AKAP8L: variants seen among roughly 807,000 people sequenced by gnomAD.
AKAP8L encodes the protein A-kinase anchor protein 8-like.
A neutral mutation model predicts 77.5 loss-of-function variants in AKAP8L; 34 were observed. The observed-to-expected ratio is 0.44, with a 90% CI of 0.33 to 0.58. The LOEUF (loss-of-function observed/expected upper bound fraction) is 0.58. AKAP8L is among the 20% of genes least tolerant of loss of function. AKAP8L has a pLI of 0.02. For synonymous variants in AKAP8L, 342 were observed against 340.7 expected, an observed-to-expected ratio of 1.00 and a Z score of -0.04; for missense variants, 806 against 887.6, an observed-to-expected ratio of 0.91 and a Z score of 1.17.
At position 15,418,981 on chromosome 19, in the gene AKAP8L, G is replaced by C. The variant is rs931767797; in HGVS notation, c.-58C>G. ...GCTTCTGCTGCTCTGAACATCCGAC[G>C]CTGCGATAGCTGCTGCTAACCACAG... On this transcript the variant is annotated 5_prime_UTR_variant, in exon 1 of 14. Transcript: ENST00000397410. 3.1e-6 allele frequency: 5 copies of C among 1,600,608 alleles called. No individual in the cohort carries two copies. In the Admixed American group the frequency reaches 5.0e-5, roughly 16 times the overall value.
At chr19:15,383,840 T>G (rs1266472934) in intron 12 of AKAP8L, 1 of 152,156 alleles carries the variant, frequency 6.6e-6, no homozygotes, top group Non-Finnish European at 1.5e-5. Context: ...CTATATTAAT[T>G]TGGAGAGAAC....
At chr19:15,380,736 A>C in intron 12 of AKAP8L, 124 bp from the exon 13 acceptor site, 1 of 745,882 alleles carries the variant, frequency 1.3e-6, no homozygotes, top group Non-Finnish European at 2.2e-6. Flanking sequence ...AGCCCCACCA[A>C]CGGAGGGCCA....
chr19:15,385,645 G>C (rs1967519103), intron 12 of AKAP8L, among the ~76,000 whole-genome samples: 1 of 151,848 alleles, frequency 6.6e-6, no homozygotes, highest in Admixed American at 6.6e-5. Flanking sequence ...TGTTGCCCCG[G>C]CTGGAATGCA....
chr19:15,406,473 A>AT (rs1968004268), intron 2 of AKAP8L, among the ~76,000 whole-genome samples: 1 of 150,974 alleles, frequency 6.6e-6, no homozygotes, highest in African/African-American at 2.4e-5. Flanking sequence ...ATATATGTAC[A>AT]TATATATTTT....
At chr19:15,412,926 G>C (rs1968134955) in intron 1 of AKAP8L, among the ~76,000 whole-genome samples, 1 of 152,214 alleles carries the variant, frequency 6.6e-6, no homozygotes, top group Non-Finnish European at 1.5e-5. Flanking sequence ...TTTCCCATCA[G>C]AGCCAACTCA....
chr19:15,412,679 C>T (rs1199881245), intron 1 of AKAP8L, among the ~76,000 whole-genome samples: 1 of 152,118 alleles, frequency 6.6e-6, no homozygotes. Context: ...GTAGCTGGGA[C>T]TACAGGCGCG....
At chr19:15,415,600 C>A (rs549883410) in intron 1 of AKAP8L, among the ~76,000 whole-genome samples, 2 of 152,078 alleles carry the variant, frequency 1.3e-5, no homozygotes, top group African/African-American at 4.8e-5. Flanking sequence ...GCAAACCTCC[C>A]AGTCAGCCGG....
At chr19:15,404,754 A>C (rs1568270864) in intron 2 of AKAP8L, among the ~76,000 whole-genome samples, 1 of 152,212 alleles carries the variant, frequency 6.6e-6, no homozygotes, top group Non-Finnish European at 1.5e-5. Flanking sequence ...TCTGCCCCGC[A>C]GAGGACATGC....
rs776453029 is a variant in AKAP8L at position 15,380,147 on chromosome 19, TCGTCGTCCTCCA to T, written c.1904_1915del (p.Val635_Asp638del). On this transcript the variant is annotated inframe_deletion, in exon 14 of 14. Transcript: ENST00000397410. ...TCACGGGGCGCCCCCGCCGCCCTCCTCGTCGTCCTCCACGTCGAGGCCCGGGATGCCGCGGAT... is the reference window on the plus strand; with the variant it reads ...TCACGGGGCGCCCCCGCCGCCCTCCTCGTCGAGGCCCGGGATGCCGCGGAT... 2.7e-6 allele frequency: 4 copies of T among 1,501,658 alleles called. No individual in the cohort carries two copies. Among genetic ancestry groups the T allele is most frequent in the South Asian group, 1.2e-5 (1 of 80,874 alleles). 93.0% of individuals were successfully genotyped at this position (1,501,658 alleles called of 1,614,324 possible).
At chr19:15,394,563 A>G (rs1967730039) in intron 12 of AKAP8L, among the ~76,000 whole-genome samples, 1 of 151,860 alleles carries the variant, frequency 6.6e-6, no homozygotes, top group Non-Finnish European at 1.5e-5. Flanking sequence ...GTTTTTTTAG[A>G]GACAGGGTCT....
In AKAP8L at chr19:15,380,271, C is replaced by G. The variant is rs747804868; in HGVS notation, c.1792G>C (p.Gly598Arg). 72 of 1,516,382 alleles carry G rather than the reference C, an allele frequency of 4.7e-5. No homozygotes were observed. In the South Asian group the frequency reaches 5.1e-4, roughly 11 times the overall value. 93.9% of individuals were successfully genotyped at this position (1,516,382 alleles called of 1,614,324 possible). A position where few individuals can be genotyped will look rare whatever the true frequency, so the allele number is the denominator to read the frequency against. ...QPPVPPEPAP[G>R]AVSPPPPPPP... ...GGCGGCGGTGGCGGCGACACGGCCCCGGGGGCTGGCTCTGGGGGCACGGGA... is the reference window on the plus strand; with the variant it reads ...GGCGGCGGTGGCGGCGACACGGCCCGGGGGGCTGGCTCTGGGGGCACGGGA... Residue 598 changes from glycine (G) to arginine (R), a missense_variant, in exon 14 of 14, where the codon GGG becomes CGG. Gly to Arg is a moderately radical substitution (Grantham distance 125). Coordinates refer to ENST00000397410, the MANE Select transcript of AKAP8L (RefSeq NM_014371.4).
In AKAP8L at chr19:15,399,425, GGGCACT is replaced by G; in HGVS notation, c.1049-21_1049-16del. The stretch of plus-strand genomic sequence containing the variant: ...GGTTAGGGCCCCTGTGGGAGCAGAT[GGGCACT>G]GTCACCAATTTGGCTCTGCCAGGAC... On this transcript the variant is annotated splice_polypyrimidine_tract_variant and intron_variant, in intron 8 of 13. Coordinates refer to ENST00000397410, the MANE Select transcript of AKAP8L (RefSeq NM_014371.4). This position sits in a 1 kb window ranked among gnomAD's most constrained non-coding sequence, Gnocchi z 6.1. 6.2e-7 allele frequency: 1 copy of G among 1,603,224 alleles called. No homozygotes were observed. The highest frequency in any genetic ancestry group is 1.1e-5 in the South Asian group (1 of 90,880).
Position 15,403,211 on chromosome 19 carries a change from G to A in AKAP8L, c.362+264C>T. 2.0e-6 allele frequency: 1 copy of A among 510,242 alleles called. No individual in the cohort carries two copies. The highest frequency in any genetic ancestry group is 2.1e-5 in the South Asian group (1 of 48,648). 31.6% of individuals were successfully genotyped at this position (510,242 alleles called of 1,614,324 possible). A position where few individuals can be genotyped will look rare whatever the true frequency, so the allele number is the denominator to read the frequency against. On this transcript the variant is annotated intron_variant, in intron 4 of 13. Coordinates refer to ENST00000397410, the MANE Select transcript of AKAP8L (RefSeq NM_014371.4). The surrounding 1 kb of genome is among the most constrained non-coding windows in gnomAD (Gnocchi z 4.3). The stretch of plus-strand genomic sequence containing the variant: ...TGAACACTCTGTTTTTGAGGGCACA[G>A]TGAAGTCTGCCCAGTCTGGGCTTGT...
In AKAP8L at chr19:15,401,477, G is replaced by C. The variant is rs775161083; in HGVS notation, c.489C>G (p.Ala163=). 6.2e-7 allele frequency: 1 copy of C among 1,613,840 alleles called. No homozygotes were observed. The highest frequency in any genetic ancestry group is 1.1e-5 in the South Asian group (1 of 91,090). ...CACGCATGCGGAACTGGTCGCGGTA[G>C]GCATCGTATTGGCCCTCATAGGCCA... is the stretch of plus-strand genomic sequence containing the variant. ...MEMAYEGQYD[A]YRDQFRMRGN... Residue 163 remains alanine (A), a synonymous_variant, in exon 5 of 14, where the codon GCC becomes GCG. Coordinates refer to ENST00000397410, the MANE Select transcript of AKAP8L (RefSeq NM_014371.4). This position sits in a 1 kb window ranked among gnomAD's most constrained non-coding sequence, Gnocchi z 6.2.
intron 1 of AKAP8L, among the ~76,000 whole-genome samples, chr19:15,416,233 G>C (rs188837541): frequency 2.3e-4 from 35 of 152,292 alleles, no homozygotes; most frequent in African/African-American, 8.4e-4. Flanking sequence ...TCTGAGCCAA[G>C]AGTAGGGTGA....
chr19:15,384,465 A>C (rs1234566441), intron 12 of AKAP8L, among the ~76,000 whole-genome samples: 2 of 151,078 alleles, frequency 1.3e-5, no homozygotes, highest in Non-Finnish European at 2.9e-5. Flanking sequence ...ACGCCCAGCT[A>C]ATTTTTTGTA....
intron 12 of AKAP8L, among the ~76,000 whole-genome samples, chr19:15,389,565 G>A (rs1967616583): frequency 6.6e-6 from 1 of 151,924 alleles, no homozygotes; most frequent in South Asian, 2.1e-4. Context: ...GAGGTCAGGA[G>A]ATCGAGACCA....
intron 12 of AKAP8L, among the ~76,000 whole-genome samples, chr19:15,387,950 C>A (rs1190916866): frequency 1.3e-5 from 2 of 150,832 alleles, no homozygotes; most frequent in African/African-American, 4.9e-5. Flanking sequence ...CAGAGCAAGA[C>A]TCTTGTCTGG....
At chr19:15,408,038 T>C (rs1423869653) in intron 2 of AKAP8L, among the ~76,000 whole-genome samples, 2 of 152,252 alleles carry the variant, frequency 1.3e-5, no homozygotes, top group Non-Finnish European at 2.9e-5. Flanking sequence ...CTAATGCCTG[T>C]AATTCCAACA....
Sources: allele counts gnomAD v4.1 joint callset (sites outside exome capture counted in the v4.1 genomes callset), GRCh38; gene constraint gnomAD v4.1.1; non-coding constraint Gnocchi (gnomAD v3.1); transcripts MANE v1.5; gene names NCBI Gene and HGNC (gene_info 2026-07-23, HGNC 2026-07-21).